The following SMURF2 variants were observed in gnomAD, a reference collection of about 807,000 sequenced individuals.
SMURF2 encodes the protein E3 ubiquitin-protein ligase SMURF2.
In SMURF2, 48 loss-of-function variants were observed where a neutral mutation model predicts 109.6. That is an observed-to-expected ratio of 0.44 (90% CI 0.35 to 0.56). The LOEUF (loss-of-function observed/expected upper bound fraction) is 0.56. SMURF2 is among the 20% of genes least tolerant of loss of function. The probability of loss-of-function intolerance (pLI) is 0.01; values close to 1 mark genes in which losing one functional copy is unlikely to be tolerated. For missense variants in SMURF2, 575 were observed against 909.0 expected (o/e 0.63, Z 4.72); for synonymous variants, 288 against 317.1 (o/e 0.91, Z 0.97).
intron 10 of SMURF2, among the ~76,000 whole-genome samples, chr17:64,564,611 T>A (rs2144609776): frequency 6.6e-6 from 1 of 152,214 alleles, no homozygotes; most frequent in South Asian, 2.1e-4. Context: ...GAAATTAGGA[T>A]ACATACATAC....
chr17:64,615,844 T>C (rs1020952226), intron 1 of SMURF2, among the ~76,000 whole-genome samples: 3 of 152,192 alleles, frequency 2.0e-5, no homozygotes, highest in African/African-American at 7.2e-5. Flanking sequence ...TAATTTCCTT[T>C]TTTTTTTGAC....
At chr17:64,647,886 C>CT (rs1228568490) in intron 1 of SMURF2, among the ~76,000 whole-genome samples, 6 of 150,930 alleles carry the variant, frequency 4.0e-5, no homozygotes, top group Non-Finnish European at 8.9e-5. Context: ...AGACCCAGTC[C>CT]TTAAAAACTT....
In SMURF2 at chr17:64,640,258, G is replaced by A. The variant is rs367940331; in HGVS notation, c.52+21571C>T. 2.0e-5 allele frequency among the ~76,000 whole-genome samples: 3 copies of A among 152,192 alleles called. No homozygotes were observed. The East Asian group carries it at 5.8e-4, about 29-fold the overall frequency. ...TTATGGAGGTAGCATAATGAGAGTA[G>A]AGACTACTTTAGACAGACTACTTAG... On this transcript the variant is annotated intron_variant, in intron 1 of 18. Transcript: ENST00000262435.
intron 9 of SMURF2, chr17:64,573,139 AG>A (rs1969424966): frequency 4.6e-5 from 2 of 43,030 alleles, no homozygotes; most frequent in African/African-American, 2.8e-4. Context: ...GAGGAGGAGG[AG>A]GAGGAGGAGG....
At chr17:64,549,587 C>T (rs1332555831) in intron 16 of SMURF2, among the ~76,000 whole-genome samples, 1 of 148,972 alleles carries the variant, frequency 6.7e-6, no homozygotes, top group Non-Finnish European at 1.5e-5. Context: ...GAAACCCCAT[C>T]TCTACTAAAA....
chr17:64,557,501 G>C, intron 13 of SMURF2, 107 bp downstream of exon 13: 2 of 765,778 alleles, frequency 2.6e-6, no homozygotes, highest in South Asian at 3.6e-5. Flanking sequence ...TGAGTCAAAG[G>C]GCACAACTAA....
chr17:64,657,717 T>A (rs574589566), intron 1 of SMURF2, among the ~76,000 whole-genome samples: 21 of 140,864 alleles, frequency 1.5e-4, no homozygotes, highest in Non-Finnish European at 1.8e-4. Flanking sequence ...AGATTCTGCC[T>A]CAAAAAAAAA....
intron 2 of SMURF2, 51 bp downstream of exon 2, chr17:64,606,551 G>A (rs1234887899): frequency 2.3e-6 from 3 of 1,289,946 alleles, no homozygotes; most frequent in African/African-American, 1.5e-5. Flanking sequence ...TGAAAACGCT[G>A]TTCCCAAAGA....
intron 1 of SMURF2, among the ~76,000 whole-genome samples, chr17:64,639,542 A>G (rs1472762318): frequency 6.6e-6 from 1 of 152,056 alleles, no homozygotes. Flanking sequence ...GCACCACTGC[A>G]CTCCAGTCTG....
chr17:64,652,530 C>G (rs1158381281), intron 1 of SMURF2, among the ~76,000 whole-genome samples: 4 of 152,246 alleles, frequency 2.6e-5, no homozygotes, highest in African/African-American at 9.7e-5. Flanking sequence ...CTCTGTCGCC[C>G]AGGCTGGAGT....
At position 64,544,688 on chromosome 17, in the gene SMURF2, A is replaced by G. The variant is rs1233485379; in HGVS notation, c.*1160T>C. 1.3e-5 allele frequency: 2 copies of G among 152,276 alleles called. No individual in the cohort carries two copies. The highest frequency in any genetic ancestry group is 4.8e-5 in the African/African-American group (2 of 41,544). 9.4% of individuals were successfully genotyped at this position (152,276 alleles called of 1,614,324 possible). On this transcript the variant is annotated 3_prime_UTR_variant, in exon 19 of 19. Coordinates refer to ENST00000262435, the MANE Select transcript of SMURF2 (RefSeq NM_022739.4). ...TAATTTACGCCATAGAGTTAGAATC[A>G]CTGTTCATACTACCGCCCCTCAACC...
intron 1 of SMURF2, among the ~76,000 whole-genome samples, chr17:64,630,457 T>C (rs1317821880): frequency 3.3e-5 from 5 of 152,184 alleles, no homozygotes; most frequent in African/African-American, 1.2e-4. Context: ...TCTGCAAGTG[T>C]GCAGAGAGCT....
intron 1 of SMURF2, among the ~76,000 whole-genome samples, chr17:64,617,261 T>C (rs1374804598): frequency 1.3e-5 from 2 of 152,028 alleles, no homozygotes; most frequent in Non-Finnish European, 2.9e-5. Flanking sequence ...AGTAAATATC[T>C]TGTCATTTAA....
intron 5 of SMURF2, among the ~76,000 whole-genome samples, chr17:64,590,537 G>T (rs1969737263): frequency 6.6e-6 from 1 of 152,014 alleles, no homozygotes; most frequent in Non-Finnish European, 1.5e-5. Context: ...CTTAAGAAAG[G>T]TCTCAGCAAA....
At chr17:64,659,343 T>A (rs1216951336) in intron 1 of SMURF2, among the ~76,000 whole-genome samples, 9 of 152,162 alleles carry the variant, frequency 5.9e-5, no homozygotes, top group Non-Finnish European at 1.3e-4. Flanking sequence ...ACAATAATTT[T>A]AAAACACCTT....
chr17:64,592,302 T>C (rs1175753840), intron 4 of SMURF2, among the ~76,000 whole-genome samples: 1 of 152,222 alleles, frequency 6.6e-6, no homozygotes, highest in African/African-American at 2.4e-5. Flanking sequence ...AGTTTTCAGT[T>C]TGCTGAGTAA....
At chr17:64,555,419 C>T (rs540662088) in intron 14 of SMURF2, among the ~76,000 whole-genome samples, 1 of 152,274 alleles carries the variant, frequency 6.6e-6, no homozygotes, top group South Asian at 2.1e-4. Flanking sequence ...AAAACAGAAT[C>T]AGTTCTTAGC....
intron 4 of SMURF2, 33 bp from the exon 5 acceptor site, chr17:64,591,182 A>T: frequency 6.5e-7 from 1 of 1,535,422 alleles, no homozygotes; most frequent in Non-Finnish European, 9.0e-7. Context: ...GCAACGAAAA[A>T]ATTAGCTGGT....
chr17:64,617,065 T>TAA (rs35408397), intron 1 of SMURF2, among the ~76,000 whole-genome samples: 1,252 of 48,460 alleles, frequency 0.026, 74 homozygotes, highest in African/African-American at 0.075. Context: ...AGACCTTGTC[T>TAA]AAAAAAAAAA....
Sources: allele counts gnomAD v4.1 joint callset (sites outside exome capture counted in the v4.1 genomes callset), GRCh38; gene constraint gnomAD v4.1.1; transcripts MANE v1.5; gene names NCBI Gene and HGNC (gene_info 2026-07-23, HGNC 2026-07-21).